Variants in GABRA6 observed in about 807,000 individuals in gnomAD.
The protein encoded by GABRA6 is gamma-aminobutyric acid receptor subunit alpha-6.
Under a neutral mutation model 47.3 loss-of-function variants are expected in GABRA6, and 45 were observed. The observed-to-expected ratio is 0.95, with a 90% confidence interval of 0.75 to 1.22. GABRA6 has a LOEUF of 1.22. GABRA6 is among the 50% of genes most tolerant of loss of function. The pLI is 0.00. For missense variants in GABRA6, 583 were observed against 549.3 expected, an observed-to-expected ratio of 1.06 and a Z score of -0.61; for synonymous variants, 219 against 194.7, an observed-to-expected ratio of 1.12 and a Z score of -1.04.
At position 161,686,004 on chromosome 5, in the gene GABRA6, G is replaced by C. The variant is rs370922712; in HGVS notation, c.15G>C (p.Leu5=). Residue 5 remains leucine, a synonymous_variant, in exon 1 of 9, where the codon CTG becomes CTC. Coordinates refer to ENST00000274545, the MANE Select transcript of GABRA6 (RefSeq NM_000811.3). MASS[L]PWLCIILWLE... ...TGCACTGCAGGATGGCGTCGTCTCT[G>C]CCCTGGCTGTGCATTATTCTGTGGT... 6.2e-7 allele frequency: 1 copy of C among 1,613,978 alleles called. No individual in the cohort carries two copies. The highest frequency in any genetic ancestry group is 1.7e-5 in the Admixed American group (1 of 60,022).
intron 8 of GABRA6, among the ~76,000 whole-genome samples, chr5:161,692,543 G>T (rs1011728442): frequency 6.6e-6 from 1 of 152,082 alleles, no homozygotes; most frequent in African/African-American, 2.4e-5. Flanking sequence ...AAAACAAAAT[G>T]TTTTTTCTAA....
At chr5:161,693,808 A>G (rs910109098) in intron 8 of GABRA6, among the ~76,000 whole-genome samples, 3 of 152,044 alleles carry the variant, frequency 2.0e-5, no homozygotes, top group African/African-American at 7.2e-5. Context: ...ACACATTTAG[A>G]TACTGTTTTT....
In GABRA6 at chr5:161,686,962, A is replaced by G. The variant is rs777323475; in HGVS notation, c.184A>G (p.Ile62Val). The G allele has an allele frequency of 6.2e-7, 1 of 1,613,988 alleles. No homozygotes were observed. The highest frequency in any genetic ancestry group is 8.5e-7 in the Non-Finnish European group (1 of 1,179,896). ...GGAVTEVKTD[I>V]YVTSFGPVSD... ...TGCTGTCACTGAAGTCAAAACAGAC[A>G]TTTATGTGACCAGTTTTGGGCCCGT... Residue 62 changes from isoleucine (I) to valine (V), a missense_variant, in exon 3 of 9, where the codon ATT becomes GTT. By Grantham distance (29) the Ile-to-Val change is conservative. Coordinates refer to ENST00000274545, the MANE Select transcript of GABRA6 (RefSeq NM_000811.3).
intron 3 of GABRA6, 26 bp downstream of exon 3, chr5:161,687,029 T>C: frequency 6.2e-7 from 1 of 1,603,464 alleles, no homozygotes; most frequent in African/African-American, 1.3e-5. Context: ...GTGAGTTGGG[T>C]GTTTTCATTT....
rs964878100 is a variant in GABRA6 at position 161,689,353 on chromosome 5, T to C, written c.529+17T>C. Reference sequence around the variant, plus strand: ...TTGGGAGCTGTAAGTTACAACAGGCTTCTGAGAGTCAAATAATACATCCAA... The same window carrying C: ...TTGGGAGCTGTAAGTTACAACAGGCCTCTGAGAGTCAAATAATACATCCAA... On this transcript the variant is annotated intron_variant, in intron 5 of 8. Coordinates refer to ENST00000274545, the MANE Select transcript of GABRA6 (RefSeq NM_000811.3). The C allele has an allele frequency of 3.7e-6, 6 of 1,602,376 alleles. No individual in the cohort carries two copies. Among genetic ancestry groups the C allele is most frequent in the Non-Finnish European group, 5.1e-6 (6 of 1,169,516 alleles).
At chr5:161,690,987 A>G (rs1446114919) in intron 7 of GABRA6, among the ~76,000 whole-genome samples, 1 of 152,146 alleles carries the variant, frequency 6.6e-6, no homozygotes, top group Admixed American at 6.5e-5. Context: ...TTACTAAGTT[A>G]AAATAGATTT....
chr5:161,692,398 A>G (rs1270945405), intron 8 of GABRA6, among the ~76,000 whole-genome samples, 198 bp downstream of exon 8: 1 of 152,166 alleles, frequency 6.6e-6, no homozygotes, highest in East Asian at 1.9e-4. Context: ...TTTGCTGTAA[A>G]CTTTGGGCAT....
At chr5:161,696,467 C>T (rs373812834) in intron 8 of GABRA6, among the ~76,000 whole-genome samples, 2 of 151,208 alleles carry the variant, frequency 1.3e-5, no homozygotes, top group East Asian at 3.9e-4. Flanking sequence ...CCATTAAAGA[C>T]TCTATGTGCC....
intron 8 of GABRA6, among the ~76,000 whole-genome samples, chr5:161,692,938 T>C (rs926466296): frequency 6.6e-6 from 1 of 152,222 alleles, no homozygotes; most frequent in African/African-American, 2.4e-5. Flanking sequence ...AATTAAATTA[T>C]AACAACAATT....
chr5:161,691,288 C>CTTTTTTTTTTTTTTT (rs1160422481), intron 7 of GABRA6, among the ~76,000 whole-genome samples: 4 of 84,710 alleles, frequency 4.7e-5, no homozygotes, highest in Non-Finnish European at 6.4e-5. Flanking sequence ...TTTTTCTTTC[C>CTTTTTTTTTTTTTTT]TTTTTTTTTT....
chr5:161,696,873 T>C (rs1413461292), intron 8 of GABRA6, among the ~76,000 whole-genome samples: 1 of 152,196 alleles, frequency 6.6e-6, no homozygotes, highest in African/African-American at 2.4e-5. Flanking sequence ...GTTGTCCCTC[T>C]TTGCTCTTTC....
rs771472964 is a variant in GABRA6 at position 161,685,948 on chromosome 5, C to T, written c.-42C>T. The T allele has an allele frequency of 5.7e-6, 9 of 1,576,312 alleles. No individual in the cohort carries two copies. The highest frequency in any genetic ancestry group is 4.0e-5 in the African/African-American group (3 of 74,354). ...GAGAAGAGCTGGCTAGCAGGGAGGA[C>T]GACCCTAGGAGGGTGAATTCTGCAT... is the stretch of plus-strand genomic sequence containing the variant. On this transcript the variant is annotated 5_prime_UTR_variant, in exon 1 of 9. The change creates a new upstream start codon in the 5' untranslated region. Transcript: ENST00000274545.
chr5:161,693,514 C>G (rs1484344754), intron 8 of GABRA6, among the ~76,000 whole-genome samples: 2 of 151,958 alleles, frequency 1.3e-5, no homozygotes, highest in Non-Finnish European at 2.9e-5. Flanking sequence ...GGAATTGATT[C>G]AAAAACTTTG....
rs546580547 is a variant in GABRA6, at chr5:161,690,724, T to C, written c.826+371T>C. Reference sequence around the variant, plus strand: ...CAGTAATACATAGGTTGTATACCCCTTTTATTAGGTTGAACCATATAAAAT... The same window carrying C: ...CAGTAATACATAGGTTGTATACCCCCTTTATTAGGTTGAACCATATAAAAT... On this transcript the variant is annotated intron_variant, in intron 7 of 8. Coordinates refer to ENST00000274545, the MANE Select transcript of GABRA6 (RefSeq NM_000811.3). Among the ~76,000 whole-genome samples, 6 of 152,318 alleles carry C rather than the reference T, an allele frequency of 3.9e-5. No homozygotes were observed. The East Asian group carries it at 9.7e-4, about 25-fold the overall frequency.
rs1186749930 is a variant in GABRA6, at chr5:161,701,993, TG to T, written c.*221del. 12 of 565,638 alleles carry T rather than the reference TG, an allele frequency of 2.1e-5. No individual in the cohort carries two copies. The highest frequency in any genetic ancestry group is 8.9e-5 in the South Asian group (4 of 45,086). 35.0% of individuals were successfully genotyped at this position (565,638 alleles called of 1,614,324 possible). On this transcript the variant is annotated 3_prime_UTR_variant, in exon 9 of 9. Transcript: ENST00000274545. ...TGCTGAAAAATATGACTTTTCTGTA[TG>T]TTAGAGAAAAACTTTATGAGGATGA...
At chr5:161,687,076 G>A (rs1158448062) in intron 3 of GABRA6, 73 bp downstream of exon 3, 2 of 1,182,598 alleles carry the variant, frequency 1.7e-6, no homozygotes, top group African/African-American at 3.0e-5. Context: ...TAATGATAAT[G>A]GGCATTGCCG....
rs965275393 is a variant in GABRA6 at position 161,685,907 on chromosome 5, C to A, written c.-83C>A. ...GAGATATGAAGGGTTTGAAAGATTT[C>A]TCCAGTTGATTGGCAGAGAAGAGCT... is the stretch of plus-strand genomic sequence containing the variant. On this transcript the variant is annotated 5_prime_UTR_variant, in exon 1 of 9. Coordinates refer to ENST00000274545, the MANE Select transcript of GABRA6 (RefSeq NM_000811.3). 9.3e-6 allele frequency: 10 copies of A among 1,079,724 alleles called. No individual in the cohort carries two copies. The highest frequency in any genetic ancestry group is 8.4e-5 in the Admixed American group (5 of 59,206). The allele number at this position is 1,079,724 out of a possible 1,614,324, so 66.9% of individuals were successfully genotyped here.
chr5:161,700,680 C>T (rs1015185549), intron 8 of GABRA6, among the ~76,000 whole-genome samples: 5 of 152,130 alleles, frequency 3.3e-5, no homozygotes, highest in African/African-American at 1.2e-4. Context: ...CCATTCAAGA[C>T]TATAGTTGAT....
rs752829056 is a variant in GABRA6, at chr5:161,689,528, A to G, written c.530-108A>G. 28 of 1,152,888 alleles carry G rather than the reference A, an allele frequency of 2.4e-5. 1 individual carries two copies. In the South Asian group the frequency reaches 3.6e-4, roughly 15 times the overall value. 71.4% of individuals were successfully genotyped at this position (1,152,888 alleles called of 1,614,324 possible). A position where few individuals can be genotyped will look rare whatever the true frequency, so the allele number is the denominator to read the frequency against. On this transcript the variant is annotated intron_variant, in intron 5 of 8. Coordinates refer to ENST00000274545, the MANE Select transcript of GABRA6 (RefSeq NM_000811.3). ...TCACCAAGATTAAAGAAAACATTAA[A>G]TACAATCTATGTTTGTATTTCCTTT...
Sources: gnomAD v4.1 joint callset for allele counts (sites outside exome capture counted in the v4.1 genomes callset) on GRCh38, gnomAD v4.1.1 for gene constraint, MANE v1.5 for transcripts, NCBI Gene and HGNC (gene_info 2026-07-23, HGNC 2026-07-21) for gene names.